The following HPSE2 variants were observed in gnomAD, a reference collection of about 807,000 sequenced individuals.
The protein encoded by HPSE2 is inactive heparanase-2.
Under a neutral mutation model 60.5 loss-of-function variants are expected in HPSE2, and 38 were observed. The ratio of observed to expected loss-of-function variants is 0.63; its 90% CI spans 0.48 to 0.82. HPSE2 has a LOEUF of 0.82. HPSE2 is among the 40% of genes least tolerant of loss of function. The probability of loss-of-function intolerance (pLI) is 0.00; values close to 1 mark genes in which losing one functional copy is unlikely to be tolerated. For synonymous variants in HPSE2, 295 were observed against 293.2 expected, an observed-to-expected ratio of 1.01 and a Z score of -0.06; for missense variants, 713 against 740.4, an observed-to-expected ratio of 0.96 and a Z score of 0.43.
At chr10:98,817,413 T>A (rs1951317747) in intron 3 of HPSE2, among the ~76,000 whole-genome samples, 1 of 152,066 alleles carries the variant, frequency 6.6e-6, no homozygotes, top group African/African-American at 2.4e-5. Context: ...AAACTAGGCT[T>A]CTCCAAATTA....
At chr10:99,142,667 G>A (rs1845904120) in intron 3 of HPSE2, among the ~76,000 whole-genome samples, 1 of 152,166 alleles carries the variant, frequency 6.6e-6, no homozygotes, top group Non-Finnish European at 1.5e-5. Flanking sequence ...AGTTGACAAT[G>A]TTGATTCCAA....
At chr10:98,863,527 C>T (rs778049606) in intron 3 of HPSE2, among the ~76,000 whole-genome samples, 1 of 152,144 alleles carries the variant, frequency 6.6e-6, no homozygotes, top group African/African-American at 2.4e-5. Flanking sequence ...CTGTCCAATG[C>T]CACTGAAGGT....
intron 3 of HPSE2, among the ~76,000 whole-genome samples, chr10:98,946,592 C>T (rs1189620773): frequency 2.0e-5 from 3 of 151,888 alleles, no homozygotes; most frequent in South Asian, 2.1e-4. Flanking sequence ...ACTATCTTCA[C>T]AGCAGTTCTG....
At chr10:98,913,556 A>G (rs1264449765) in intron 3 of HPSE2, among the ~76,000 whole-genome samples, 2 of 152,212 alleles carry the variant, frequency 1.3e-5, no homozygotes, top group African/African-American at 2.4e-5. Flanking sequence ...GAAGATTCAC[A>G]TATTCCTAAC....
chr10:98,599,033 A>G (rs540802188), intron 9 of HPSE2, among the ~76,000 whole-genome samples: 87 of 152,094 alleles, frequency 5.7e-4, no homozygotes, highest in African/African-American at 2.1e-3. Context: ...GTGGTCCTGA[A>G]GCCTGGGTCC....
At chr10:98,793,098 T>C (rs1950694445) in intron 3 of HPSE2, among the ~76,000 whole-genome samples, 1 of 152,250 alleles carries the variant, frequency 6.6e-6, no homozygotes, top group Non-Finnish European at 1.5e-5. Context: ...TGGAGACTGC[T>C]TCTATCTCAG....
intron 2 of HPSE2, among the ~76,000 whole-genome samples, chr10:99,156,377 C>T (rs1846561336): frequency 7.0e-6 from 1 of 143,004 alleles, no homozygotes; most frequent in Non-Finnish European, 1.6e-5. Flanking sequence ...ACGAATCCAG[C>T]AGCACATCAA....
intron 4 of HPSE2, among the ~76,000 whole-genome samples, chr10:98,729,032 G>T (rs1949161585): frequency 6.6e-6 from 1 of 151,600 alleles, no homozygotes; most frequent in African/African-American, 2.4e-5. Flanking sequence ...GAAAAGAAAA[G>T]AAAAGAACAA....
intron 5 of HPSE2, among the ~76,000 whole-genome samples, chr10:98,717,100 T>C (rs1014618537): frequency 2.6e-5 from 4 of 152,190 alleles, no homozygotes; most frequent in East Asian, 3.8e-4. Flanking sequence ...GTTATGGATA[T>C]AGTTTATTTC....
intron 6 of HPSE2, among the ~76,000 whole-genome samples, chr10:98,688,889 CA>C (rs771070953): frequency 1.1e-4 from 16 of 151,832 alleles, no homozygotes; most frequent in Non-Finnish European, 2.1e-4. Context: ...TCTGGCTTTA[CA>C]TTTTTTTTTT....
Position 98,772,310 on chromosome 10 carries a change from A to T in HPSE2, c.611-28254T>A, listed in dbSNP as rs370931796. ...TTAGTTAACAACTGTAATCACAAAA[A>T]AAAGACAAAAATGGATGACTGGGAA... On this transcript the variant is annotated intron_variant, in intron 3 of 11. Coordinates refer to ENST00000370552, the MANE Select transcript of HPSE2 (RefSeq NM_021828.5). Among the ~76,000 whole-genome samples the T allele has an allele frequency of 1.5e-4, 23 of 152,278 alleles. No homozygotes were observed. In the East Asian group the frequency reaches 4.1e-3, roughly 27 times the overall value.
chr10:98,686,861 T>C (rs758001768), intron 6 of HPSE2, among the ~76,000 whole-genome samples: 1 of 152,214 alleles, frequency 6.6e-6, no homozygotes, highest in African/African-American at 2.4e-5. Context: ...TCCAACTTGG[T>C]TAATGTTCTA....
At chr10:99,093,630 G>A (rs1230152570) in intron 3 of HPSE2, among the ~76,000 whole-genome samples, 2 of 152,148 alleles carry the variant, frequency 1.3e-5, no homozygotes, top group Non-Finnish European at 2.9e-5. Context: ...AAGGTGGAAT[G>A]TCAAGTGCAA....
At chr10:98,531,043 G>T (rs1016794764) in intron 9 of HPSE2, among the ~76,000 whole-genome samples, 1 of 152,138 alleles carries the variant, frequency 6.6e-6, no homozygotes, top group Admixed American at 6.5e-5. Flanking sequence ...TCCGTGCCAG[G>T]CACTATACTA....
intron 3 of HPSE2, among the ~76,000 whole-genome samples, chr10:99,116,506 T>C (rs1844697439): frequency 6.6e-6 from 1 of 152,072 alleles, no homozygotes; most frequent in Non-Finnish European, 1.5e-5. Context: ...TACCCACCTA[T>C]CAATGACGAG....
intron 9 of HPSE2, among the ~76,000 whole-genome samples, chr10:98,559,750 A>G (rs1944117437): frequency 6.6e-6 from 1 of 152,216 alleles, no homozygotes; most frequent in Non-Finnish European, 1.5e-5. Context: ...GTCACTATAC[A>G]GATAAAGCAT....
chr10:98,559,520 G>A (rs1443650527), intron 9 of HPSE2, among the ~76,000 whole-genome samples: 2 of 152,126 alleles, frequency 1.3e-5, no homozygotes, highest in African/African-American at 2.4e-5. Context: ...GCACTCATCT[G>A]ATTATGTCTA....
chr10:98,679,466 T>C (rs959873194), intron 6 of HPSE2, among the ~76,000 whole-genome samples: 1 of 152,178 alleles, frequency 6.6e-6, no homozygotes, highest in Non-Finnish European at 1.5e-5. Flanking sequence ...ATATCCTTGT[T>C]TTCTAGGCTT....
chr10:99,169,185 TCC>T (rs1847204819), intron 2 of HPSE2, among the ~76,000 whole-genome samples: 1 of 109,414 alleles, frequency 9.1e-6, no homozygotes, highest in Admixed American at 1.1e-4. Context: ...AGAGCAAGAC[TCC>T]GTCTCAAAAA....
Sources: gnomAD v4.1 joint callset for allele counts (sites outside exome capture counted in the v4.1 genomes callset) on GRCh38, gnomAD v4.1.1 for gene constraint, MANE v1.5 for transcripts, NCBI Gene and HGNC (gene_info 2026-07-23, HGNC 2026-07-21) for gene names.